The following TRAF7 variants were observed in gnomAD, a reference collection of about 807,000 sequenced individuals.
The protein encoded by TRAF7 is E3 ubiquitin-protein ligase TRAF7.
A neutral mutation model predicts 89.3 loss-of-function variants in TRAF7; 45 were observed. The observed-to-expected ratio is 0.50, with a 90% confidence interval of 0.40 to 0.65. TRAF7 has a LOEUF of 0.65. TRAF7 is among the 30% of genes least tolerant of loss of function. The probability of loss-of-function intolerance (pLI) is 0.00; values close to 1 mark genes in which losing one functional copy is unlikely to be tolerated. For missense variants in TRAF7, 677 were observed against 918.1 expected (o/e 0.74, Z 3.39); for synonymous variants, 406 against 369.2 (o/e 1.10, Z -1.14).
rs946127025 is a variant in TRAF7 at position 2,164,092 on chromosome 16, T to C, written c.81+91T>C. ...GTTGCCTGCAGAGCTCCCAGCGCAG[T>C]CCCGTCCCGAGCTGGGGTCTCAGGG... is the stretch of plus-strand genomic sequence containing the variant. On this transcript the variant is annotated intron_variant, in intron 2 of 20. Coordinates refer to ENST00000326181, the MANE Select transcript of TRAF7 (RefSeq NM_032271.3). The C allele has an allele frequency of 5.9e-6, 7 of 1,189,152 alleles. No homozygotes were observed. The African/African-American group carries it at 9.2e-5, about 16-fold the overall frequency. The allele number at this position is 1,189,152 out of a possible 1,614,324, so 73.7% of individuals were successfully genotyped here.
intron 2 of TRAF7, among the ~76,000 whole-genome samples, chr16:2,165,519 G>T: frequency 7.7e-6 from 1 of 129,240 alleles, no homozygotes; most frequent in Non-Finnish European, 1.6e-5. Flanking sequence ...GGTTAAACGT[G>T]TGAGTGCTGC....
In TRAF7 at chr16:2,164,021, C is replaced by T. The variant is rs2093067993; in HGVS notation, c.81+20C>T. The stretch of plus-strand genomic sequence containing the variant: ...ACAGGGGTAAGGGTGTGCCCCTCTG[C>T]AAGCCCAACATCCCCAGGACCCCCA... On this transcript the variant is annotated intron_variant, in intron 2 of 20. Transcript: ENST00000326181. The T allele has an allele frequency of 6.3e-7, 1 of 1,594,732 alleles. No individual in the cohort carries two copies. The highest frequency in any genetic ancestry group is 1.1e-5 in the South Asian group (1 of 89,252).
intron 2 of TRAF7, 66 bp from the exon 3 acceptor site, chr16:2,165,813 G>T: frequency 6.3e-7 from 1 of 1,587,720 alleles, no homozygotes; most frequent in Non-Finnish European, 8.6e-7. Context: ...ATGTGAGTGG[G>T]CTCCACATGT....
chr16:2,165,751 G>A (rs565525353), intron 2 of TRAF7, 128 bp from the exon 3 acceptor site: 72 of 1,043,662 alleles, frequency 6.9e-5, no homozygotes, highest in East Asian at 4.2e-4. Flanking sequence ...TGGCCTGGTC[G>A]CATGGTTAAG....
chr16:2,177,374 C>A lies in TRAF7; in HGVS notation c.*800C>A, dbSNP rs1033644378. On this transcript the variant is annotated 3_prime_UTR_variant, in exon 21 of 21. Transcript: ENST00000326181. The stretch of plus-strand genomic sequence containing the variant: ...ACGCCGGGACGCCACCTCCGCCAGC[C>A]GCCTCCACCCGCCCCACACCACAAT... 8.6e-6 allele frequency: 2 copies of A among 233,552 alleles called. No individual in the cohort carries two copies. The highest frequency in any genetic ancestry group is 2.2e-5 in the African/African-American group (1 of 45,290). The allele number at this position is 233,552 out of a possible 1,614,324, so 14.5% of individuals were successfully genotyped here. A position where few individuals can be genotyped will look rare whatever the true frequency, so the allele number is the denominator to read the frequency against.
rs976880499 is a variant in TRAF7, at chr16:2,156,739, CG to C, written c.-39+888del. ...TCACAGGGTGCATGGTGGGGTGGGG[CG>C]GGGGGGTTATTATGCTGGCAAATGA... On this transcript the variant is annotated intron_variant, in intron 1 of 20. Coordinates refer to ENST00000326181, the MANE Select transcript of TRAF7 (RefSeq NM_032271.3). Among the ~76,000 whole-genome samples, 5 of 67,950 alleles carry C rather than the reference CG, an allele frequency of 7.4e-5. No homozygotes were observed. In the East Asian group the frequency reaches 1.3e-3, roughly 18 times the overall value. 44.6% of individuals were successfully genotyped at this position (67,950 alleles called of 152,430 possible).
Position 2,173,334 on chromosome 16 carries a change from G to A in TRAF7, c.947G>A (p.Arg316His). ...AAGGACCAGGAGATCGCCTTCCTGC[G>A]CTCCATGCTGGGAAAGCTCTCGGAG... is the stretch of plus-strand genomic sequence containing the variant. ...AQKDQEIAFL[R>H]SMLGKLSEKI... The change falls in exon 10 of 21, where the codon CGC becomes CAC. Residue 316 changes from arginine (R) to histidine (H), a missense_variant. Physicochemically the swap from Arg to His is conservative, Grantham distance 29. Coordinates refer to ENST00000326181, the MANE Select transcript of TRAF7 (RefSeq NM_032271.3). 1 of 1,613,586 alleles carries A rather than the reference G, an allele frequency of 6.2e-7. No homozygotes were observed. The highest frequency in any genetic ancestry group is 8.5e-7 in the Non-Finnish European group (1 of 1,180,012).
rs551048631 is a variant in TRAF7, at chr16:2,165,468, G to A, written c.82-411G>A. Among the ~76,000 whole-genome samples, 1,154 of 131,110 alleles carry A rather than the reference G, an allele frequency of 8.8e-3. 1 individual carries two copies. The highest frequency in any genetic ancestry group is 0.013 in the Non-Finnish European group (808 of 62,170). 86.0% of individuals were successfully genotyped at this position (131,110 alleles called of 152,430 possible). A position where few individuals can be genotyped will look rare whatever the true frequency, so the allele number is the denominator to read the frequency against. ...GCTGCGTGGCCTGGCCTGGTCGCAT[G>A]GTTAAGCGTGTGAGTGCTGTGTGGC... On this transcript the variant is annotated intron_variant, in intron 2 of 20. Coordinates refer to ENST00000326181, the MANE Select transcript of TRAF7 (RefSeq NM_032271.3).
rs1031246265 is a variant in TRAF7 at position 2,161,822 on chromosome 16, G to A, written c.-38-2061G>A. ...CAGCTCTCCCCGACCTTCCTGCCGG[G>A]AGCTGCTGGAGACGGGATAGACATG... is the stretch of plus-strand genomic sequence containing the variant. On this transcript the variant is annotated intron_variant, in intron 1 of 20. Coordinates refer to ENST00000326181, the MANE Select transcript of TRAF7 (RefSeq NM_032271.3). This position sits in a 1 kb window ranked among gnomAD's most constrained non-coding sequence, Gnocchi z 5.2. 6.6e-6 allele frequency among the ~76,000 whole-genome samples: 1 copy of A among 152,206 alleles called. No homozygotes were observed. The highest frequency in any genetic ancestry group is 2.4e-5 in the African/African-American group (1 of 41,458).
chr16:2,164,109 GTC>G (rs1318675192), intron 2 of TRAF7, 108 bp downstream of exon 2: 6 of 1,046,452 alleles, frequency 5.7e-6, no homozygotes, highest in Non-Finnish European at 8.2e-6. Context: ...CCGAGCTGGG[GTC>G]TCAGGGGAGC....
At chr16:2,173,119 T>G in intron 9 of TRAF7, 63 bp from the exon 10 acceptor site, 1 of 1,486,350 alleles carries the variant, frequency 6.7e-7, no homozygotes, top group Non-Finnish European at 9.2e-7. Flanking sequence ...TTGAGGGGGA[T>G]TCTTGGGGAT....
chr16:2,164,593 C>A (rs1336674697), intron 2 of TRAF7, among the ~76,000 whole-genome samples: 2 of 104,084 alleles, frequency 1.9e-5, no homozygotes, highest in Non-Finnish European at 3.8e-5. Flanking sequence ...CTACGTGGCG[C>A]GGCCTGGTCG....
rs181083520 is a variant in TRAF7 at position 2,161,316 on chromosome 16, T to C, written c.-38-2567T>C. Reference sequence around the variant, plus strand: ...TGCGCACACCCCACAGATCCTGTGGTGTTGTCCCCGTGGCCCGGCTGCTGT... The same window carrying C: ...TGCGCACACCCCACAGATCCTGTGGCGTTGTCCCCGTGGCCCGGCTGCTGT... On this transcript the variant is annotated intron_variant, in intron 1 of 20. Transcript: ENST00000326181. The surrounding 1 kb of genome is among the most constrained non-coding windows in gnomAD (Gnocchi z 5.2). Among the ~76,000 whole-genome samples the C allele has an allele frequency of 2.0e-5, 3 of 150,870 alleles. No homozygotes were observed. Among genetic ancestry groups the C allele is most frequent in the Non-Finnish European group, 4.4e-5 (3 of 67,714 alleles).
intron 14 of TRAF7, among the ~76,000 whole-genome samples, 191 bp downstream of exon 14, chr16:2,174,524 T>C (rs2093127366): frequency 6.6e-6 from 1 of 152,196 alleles, no homozygotes; most frequent in Admixed American, 6.5e-5. Flanking sequence ...CTACACCATC[T>C]CCAAAGTTGT....
At chr16:2,174,653 C>T (rs1323029953) in intron 14 of TRAF7, among the ~76,000 whole-genome samples, 1 of 152,192 alleles carries the variant, frequency 6.6e-6, no homozygotes, top group Middle Eastern at 3.2e-3. Flanking sequence ...GCTCAGCTCT[C>T]CCCTGCCTGC....
rs759786034 is a variant in TRAF7 at position 2,175,142 on chromosome 16, A to G, written c.1378A>G (p.Thr460Ala). The change falls in exon 15 of 21, where the codon ACC becomes GCC. Residue 460 changes from threonine (T) to alanine (A), a missense_variant. Thr to Ala is a moderately conservative substitution (Grantham distance 58). Around this residue, in one of 6 missense-constraint regions of TRAF7, gnomAD observed 160 missense variants for 263.7 expected, o/e 0.61. Coordinates refer to ENST00000326181, the MANE Select transcript of TRAF7 (RefSeq NM_032271.3). ...CKLYSGSADC[T>A]IIVWDIQNLQ... ...ACTCTACAGCGGCTCTGCAGACTGC[A>G]CCATCATTGTGAGTGGGGCCTACAG... The G allele has an allele frequency of 6.2e-7, 1 of 1,613,616 alleles. No homozygotes were observed. Among genetic ancestry groups the G allele is most frequent in the East Asian group, 2.2e-5 (1 of 44,898 alleles).
Position 2,172,337 on chromosome 16 carries a change from C to T in TRAF7, c.622C>T (p.Arg208Ter), listed in dbSNP as rs1318987130. 1.9e-6 allele frequency: 3 copies of T among 1,612,238 alleles called. No individual in the cohort carries two copies. The highest frequency in any genetic ancestry group is 2.2e-5 in the East Asian group (1 of 44,866). Residue 208 changes from arginine (R) to a stop codon, truncating the protein, a stop_gained, in exon 8 of 21, where the codon CGA becomes TGA. Coordinates refer to ENST00000326181, the MANE Select transcript of TRAF7 (RefSeq NM_032271.3). LOFTEE classifies it high-confidence loss of function. ...GKPPIFEVDPRGCPFTIKLSA... is the reference protein window; with the variant it reads ...GKPPIFEVDP ...GCCCCCCATCTTTGAGGTGGACCCC[C>T]GAGGGTGCCCCTTCACCATCAAGCT...
At position 2,178,053 on chromosome 16, in the gene TRAF7, T is replaced by G. The variant is rs1239061892; in HGVS notation, c.*1479T>G. The G allele has an allele frequency of 2.1e-6, 1 of 469,214 alleles. No individual in the cohort carries two copies. The highest frequency in any genetic ancestry group is 3.0e-5 in the Admixed American group (1 of 33,326). The allele number at this position is 469,214 out of a possible 1,614,324, so 29.1% of individuals were successfully genotyped here. On this transcript the variant is annotated 3_prime_UTR_variant, in exon 21 of 21. Transcript: ENST00000326181. ...TTTCTTTCTTTAAATATATATTTGT[T>G]AAAGTTATACCTTTTTGTTTCTCTG...
At chr16:2,170,264 G>A (rs2093102812) in intron 4 of TRAF7, among the ~76,000 whole-genome samples, 1 of 152,224 alleles carries the variant, frequency 6.6e-6, no homozygotes, top group African/African-American at 2.4e-5. Flanking sequence ...AGGATTGGCT[G>A]GTGGAGGTGC....
Sources: allele counts gnomAD v4.1 joint callset (sites outside exome capture counted in the v4.1 genomes callset), GRCh38; gene constraint gnomAD v4.1.1; regional missense constraint gnomAD v4.1.1; non-coding constraint Gnocchi (gnomAD v3.1); transcripts MANE v1.5; gene names NCBI Gene and HGNC (gene_info 2026-07-23, HGNC 2026-07-21).